The following SV2B variants were observed in gnomAD, a reference collection of about 807,000 sequenced individuals.
SV2B encodes synaptic vesicle glycoprotein 2B.
Under a neutral mutation model 73.9 loss-of-function variants are expected in SV2B, and 41 were observed. That is an observed-to-expected ratio of 0.56 (90% CI 0.43 to 0.72). The LOEUF (loss-of-function observed/expected upper bound fraction) is 0.72. Among genes scored for constraint, SV2B ranks in the 30% least tolerant of loss-of-function variants. The pLI is 0.00. For missense variants in SV2B, 764 were observed against 857.8 expected, an observed-to-expected ratio of 0.89 and a Z score of 1.37; for synonymous variants, 314 against 314.2, an observed-to-expected ratio of 1.00 and a Z score of 0.01.
chr15:91,182,305 G>T (rs980473783), intron 1 of SV2B, among the ~76,000 whole-genome samples: 2 of 152,166 alleles, frequency 1.3e-5, no homozygotes, highest in Admixed American at 1.3e-4. Context: ...CACCTGCTTT[G>T]CTTCAGGCCC....
At chr15:91,270,485 G>C (rs551747257) in intron 9 of SV2B, among the ~76,000 whole-genome samples, 1 of 152,264 alleles carries the variant, frequency 6.6e-6, no homozygotes, top group South Asian at 2.1e-4. Flanking sequence ...CATGCATTTG[G>C]ACTCCAGATC....
chr15:91,173,921 G>A (rs1206429582), intron 1 of SV2B, among the ~76,000 whole-genome samples: 1 of 152,014 alleles, frequency 6.6e-6, no homozygotes, highest in African/African-American at 2.4e-5. Flanking sequence ...TCTATCTGAG[G>A]GTTTCCATTT....
chr15:91,266,521 C>T (rs896272661), intron 6 of SV2B, 61 bp from the exon 7 acceptor site: 7 of 1,272,250 alleles, frequency 5.5e-6, no homozygotes, highest in African/African-American at 1.5e-5. Flanking sequence ...TTAAACTACA[C>T]ATTGAAAACT....
At chr15:91,246,885 T>C (rs2047256081) in intron 2 of SV2B, among the ~76,000 whole-genome samples, 1 of 152,328 alleles carries the variant, frequency 6.6e-6, no homozygotes, top group African/African-American at 2.4e-5. Context: ...AGATTGAATT[T>C]CTGGCTTTCT....
chr15:91,277,301 G>T (rs1261454013), intron 9 of SV2B, among the ~76,000 whole-genome samples: 2 of 152,094 alleles, frequency 1.3e-5, no homozygotes, highest in Non-Finnish European at 2.9e-5. Flanking sequence ...TTTTAGCTAT[G>T]GTTACCTTAG....
intron 2 of SV2B, among the ~76,000 whole-genome samples, chr15:91,249,770 T>G (rs1197734625): frequency 2.6e-5 from 4 of 152,180 alleles, no homozygotes; most frequent in Admixed American, 2.6e-4. Context: ...CTGGAAGAAA[T>G]GCATACATTC....
rs2042956700 is a variant in SV2B, at chr15:91,140,120, G to A, written c.-392+39757G>A. On this transcript the variant is annotated intron_variant, in intron 1 of 12. Transcript: ENST00000394232. The surrounding 1 kb of genome is among the most constrained non-coding windows in gnomAD (Gnocchi z 4.4). Reference sequence around the variant, plus strand: ...GATGGGCCCAGTAGGTGATTCTGATGTACCGAGTTTGAGAACCACTGGTGT... The same window carrying A: ...GATGGGCCCAGTAGGTGATTCTGATATACCGAGTTTGAGAACCACTGGTGT... Among the ~76,000 whole-genome samples the A allele has an allele frequency of 1.3e-5, 2 of 152,190 alleles. No homozygotes were observed. The highest frequency in any genetic ancestry group is 4.1e-4 in the South Asian group (2 of 4,824).
chr15:91,293,442 A>G lies in SV2B; in HGVS notation c.*890A>G, dbSNP rs1480330939. On this transcript the variant is annotated 3_prime_UTR_variant, in exon 13 of 13. Coordinates refer to ENST00000394232, the MANE Select transcript of SV2B (RefSeq NM_001323032.3). Reference sequence around the variant, plus strand: ...TGGGAGGATGAATTAACAAACTCACATTGTGCAGTCTGCTTAATCCAGGCA... The same window carrying G: ...TGGGAGGATGAATTAACAAACTCACGTTGTGCAGTCTGCTTAATCCAGGCA... 1 of 152,200 alleles carries G rather than the reference A, an allele frequency of 6.6e-6. No individual in the cohort carries two copies. Among genetic ancestry groups the G allele is most frequent in the African/African-American group, 2.4e-5 (1 of 41,424 alleles). 9.4% of individuals were successfully genotyped at this position (152,200 alleles called of 1,614,324 possible).
In SV2B at chr15:91,281,888, T is replaced by A. The variant is rs765634124; in HGVS notation, c.1507+27T>A. The A allele has an allele frequency of 1.3e-6, 2 of 1,586,266 alleles. No individual in the cohort carries two copies. Among genetic ancestry groups the A allele is most frequent in the Non-Finnish European group, 1.7e-6 (2 of 1,162,008 alleles). ...TAGGTAAGAACATTGACAGATTGAATAGAAAGTAACAGGAGACAACTTGTG... is the reference window on the plus strand; with the variant it reads ...TAGGTAAGAACATTGACAGATTGAAAAGAAAGTAACAGGAGACAACTTGTG... On this transcript the variant is annotated intron_variant, in intron 10 of 12. Transcript: ENST00000394232. This position sits in a 1 kb window ranked among gnomAD's most constrained non-coding sequence, Gnocchi z 4.7.
intron 1 of SV2B, among the ~76,000 whole-genome samples, chr15:91,154,768 G>C (rs1312441162): frequency 1.3e-5 from 2 of 152,154 alleles, no homozygotes; most frequent in Non-Finnish European, 2.9e-5. Context: ...CACAGGAAGA[G>C]GCAAGGCAAG....
intron 2 of SV2B, among the ~76,000 whole-genome samples, chr15:91,246,309 A>C (rs80112532): frequency 0.018 from 2,742 of 152,244 alleles, 71 homozygotes; most frequent in African/African-American, 0.063. Context: ...TTATTTTTCT[A>C]ATCCTGTGGC....
chr15:91,166,300 T>C (rs545743695), intron 1 of SV2B, among the ~76,000 whole-genome samples: 16 of 152,304 alleles, frequency 1.1e-4, no homozygotes, highest in South Asian at 6.2e-4. Flanking sequence ...ACCAACCTGG[T>C]TGAGAAACAC....
At chr15:91,248,173 T>C (rs1481553967) in intron 2 of SV2B, among the ~76,000 whole-genome samples, 1 of 151,894 alleles carries the variant, frequency 6.6e-6, no homozygotes, top group Non-Finnish European at 1.5e-5. Context: ...TACAAAAAAT[T>C]AGCCGGGCGT....
chr15:91,192,771 A>G (rs1241182911), intron 1 of SV2B, among the ~76,000 whole-genome samples: 1 of 152,216 alleles, frequency 6.6e-6, no homozygotes, highest in East Asian at 1.9e-4. Context: ...CTCGTAGTGG[A>G]CAGATGAATG....
rs2047771051 is a variant in SV2B at position 91,258,227 on chromosome 15, T to C, written c.785-194T>C. The stretch of plus-strand genomic sequence containing the variant: ...TGTGAGAAATATCATTTTGCAGATT[T>C]GTCAAGATGCAGCTCCTATCCCAGG... On this transcript the variant is annotated intron_variant, in intron 4 of 12. Transcript: ENST00000394232. This position sits in a 1 kb window ranked among gnomAD's most constrained non-coding sequence, Gnocchi z 4.7. Among the ~76,000 whole-genome samples the C allele has an allele frequency of 6.6e-6, 1 of 152,236 alleles. No homozygotes were observed. Among genetic ancestry groups the C allele is most frequent in the Non-Finnish European group, 1.5e-5 (1 of 68,040 alleles).
rs550595908 is a variant in SV2B, at chr15:91,203,764, C to T, written c.-391-22109C>T. Among the ~76,000 whole-genome samples the T allele has an allele frequency of 7.9e-5, 12 of 152,192 alleles. No homozygotes were observed. In the South Asian group the frequency reaches 2.5e-3, roughly 32 times the overall value. ...ACAAACGGGGGACTTTTGTCAAGTT[C>T]CTGCGTGTTAAATCTGTAAACAAAA... On this transcript the variant is annotated intron_variant, in intron 1 of 12. Coordinates refer to ENST00000394232, the MANE Select transcript of SV2B (RefSeq NM_001323032.3).
In SV2B at chr15:91,124,871, C is replaced by G. The variant is rs1374854931; in HGVS notation, c.-392+24508C>G. Among the ~76,000 whole-genome samples, 4 of 152,138 alleles carry G rather than the reference C, an allele frequency of 2.6e-5. No individual in the cohort carries two copies. Among genetic ancestry groups the G allele is most frequent in the African/African-American group, 9.7e-5 (4 of 41,416 alleles). ...ATTTCACCATGTTGGCCAGGCTGGTCTCGAACTCCTGACTTCAAGTGATCC... is the reference window on the plus strand; with the variant it reads ...ATTTCACCATGTTGGCCAGGCTGGTGTCGAACTCCTGACTTCAAGTGATCC... On this transcript the variant is annotated intron_variant, in intron 1 of 12. Transcript: ENST00000394232. The surrounding 1 kb of genome is among the most constrained non-coding windows in gnomAD (Gnocchi z 4.6).
rs2046944528 is a variant in SV2B, at chr15:91,240,045, G to A, written c.452-11774G>A. Among the ~76,000 whole-genome samples, 1 of 152,176 alleles carries A rather than the reference G, an allele frequency of 6.6e-6. No homozygotes were observed. The highest frequency in any genetic ancestry group is 1.5e-5 in the Non-Finnish European group (1 of 68,040). ...TCCCTTAGGGTTGAGTGTGTCTGAG[G>A]AGGCAATCTCTCTGAACACGTTTAA... On this transcript the variant is annotated intron_variant, in intron 2 of 12. Coordinates refer to ENST00000394232, the MANE Select transcript of SV2B (RefSeq NM_001323032.3). This position sits in a 1 kb window ranked among gnomAD's most constrained non-coding sequence, Gnocchi z 4.6.
chr15:91,168,287 A>C (rs1429317639), intron 1 of SV2B, among the ~76,000 whole-genome samples: 4 of 138,630 alleles, frequency 2.9e-5, no homozygotes, highest in Non-Finnish European at 1.6e-5. Flanking sequence ...ACCTTTGGGC[A>C]AAATGGTGAG....
Sources: allele counts gnomAD v4.1 joint callset (sites outside exome capture counted in the v4.1 genomes callset), GRCh38; gene constraint gnomAD v4.1.1; non-coding constraint Gnocchi (gnomAD v3.1); transcripts MANE v1.5; gene names NCBI Gene and HGNC (gene_info 2026-07-23, HGNC 2026-07-21).